Variants in CACNB2 observed in about 807,000 individuals in gnomAD.
CACNB2 encodes calcium voltage-gated channel auxiliary subunit beta 2, also known as voltage-dependent L-type calcium channel subunit beta-2.
In CACNB2, 42 loss-of-function variants were observed where a neutral mutation model predicts 73.3. That is an observed-to-expected ratio of 0.57 (90% CI 0.45 to 0.74). The LOEUF is 0.74. Ranked by LOEUF, CACNB2 falls within the 30% of genes least tolerant of loss-of-function variation. The probability of loss-of-function intolerance (pLI) is 0.00; values close to 1 mark genes in which losing one functional copy is unlikely to be tolerated. For missense variants in CACNB2, 940 were observed against 853.0 expected (o/e 1.10, Z -1.27); for synonymous variants, 348 against 310.3 (o/e 1.12, Z -1.28).
intron 3 of CACNB2, among the ~76,000 whole-genome samples, chr10:18,436,378 G>C (rs1406468925): frequency 3.3e-5 from 5 of 152,170 alleles, no homozygotes; most frequent in Non-Finnish European, 7.3e-5. Context: ...TCTGTTCATG[G>C]AGAACAAAGC....
rs960506847 is a variant in CACNB2, at chr10:18,541,235, C to T, written c.*1511C>T. ...CAGAACCCAGAAGTGCTTCTTATAA[C>T]CAAAGTTTCTGTTCTTCAGAAGAAA... On this transcript the variant is annotated 3_prime_UTR_variant, in exon 14 of 14. Transcript: ENST00000324631. 1 of 152,600 alleles carries T rather than the reference C, an allele frequency of 6.6e-6. No individual in the cohort carries two copies. 9.5% of individuals were successfully genotyped at this position (152,600 alleles called of 1,614,324 possible). A position where few individuals can be genotyped will look rare whatever the true frequency, so the allele number is the denominator to read the frequency against.
intron 2 of CACNB2, among the ~76,000 whole-genome samples, chr10:18,381,931 G>A (rs2043036720): frequency 6.6e-6 from 1 of 151,850 alleles, no homozygotes; most frequent in African/African-American, 2.4e-5. Flanking sequence ...GCATCGCCTG[G>A]GACATCATAT....
At chr10:18,452,866 A>C (rs1564566246) in intron 3 of CACNB2, among the ~76,000 whole-genome samples, 1 of 152,196 alleles carries the variant, frequency 6.6e-6, no homozygotes, top group East Asian at 1.9e-4. Flanking sequence ...ACTGGACTAT[A>C]CCTTAGTGCA....
At chr10:18,520,588 CTTT>C (rs2051766963) in intron 9 of CACNB2, among the ~76,000 whole-genome samples, 1 of 152,162 alleles carries the variant, frequency 6.6e-6, no homozygotes, top group South Asian at 2.1e-4. Context: ...CCAGTGACTT[CTTT>C]TTTTCCTCTG....
intron 3 of CACNB2, 24 bp from the exon 4 acceptor site, chr10:18,498,331 T>C (rs536721522): frequency 1.2e-6 from 2 of 1,613,954 alleles, no homozygotes; most frequent in African/African-American, 2.7e-5. Context: ...CTTATTTTTT[T>C]CCCTCTTCCT....
intron 2 of CACNB2, among the ~76,000 whole-genome samples, chr10:18,348,055 T>G (rs561263932): frequency 1.4e-4 from 21 of 152,324 alleles, no homozygotes; most frequent in African/African-American, 5.0e-4. Flanking sequence ...AAGAGCCTCA[T>G]GATATTGCCC....
At chr10:18,498,624 A>T in intron 4 of CACNB2, 147 bp downstream of exon 4, 3 of 798,358 alleles carry the variant, frequency 3.8e-6, no homozygotes, top group Non-Finnish European at 6.3e-6. Context: ...ATGGCTCTCA[A>T]CCTCTGCTAA....
intron 3 of CACNB2, among the ~76,000 whole-genome samples, chr10:18,463,902 C>A (rs978957533): frequency 1.3e-5 from 2 of 152,108 alleles, no homozygotes; most frequent in African/African-American, 4.8e-5. Flanking sequence ...CCCAGCCAGG[C>A]CTTTGACAAA....
intron 2 of CACNB2, among the ~76,000 whole-genome samples, chr10:18,398,435 C>G (rs955250091): frequency 2.0e-5 from 3 of 152,032 alleles, no homozygotes; most frequent in Non-Finnish European, 2.9e-5. Context: ...GAGGCTGAGG[C>G]AGGAGGATTG....
At chr10:18,297,276 G>A (rs1387011634) in intron 2 of CACNB2, among the ~76,000 whole-genome samples, 1 of 152,210 alleles carries the variant, frequency 6.6e-6, no homozygotes, top group Admixed American at 6.5e-5. Flanking sequence ...CAGGCACAAT[G>A]GCAGATTTCT....
At chr10:18,274,828 G>A (rs111429060) in intron 2 of CACNB2, among the ~76,000 whole-genome samples, 3,500 of 152,064 alleles carry the variant, frequency 0.023, 129 homozygotes, top group African/African-American at 0.074. Flanking sequence ...ATGAATCCCC[G>A]CTTCAAAGGG....
chr10:18,328,708 G>A (rs1228062336), intron 2 of CACNB2, among the ~76,000 whole-genome samples: 3 of 152,122 alleles, frequency 2.0e-5, no homozygotes, highest in East Asian at 3.9e-4. Context: ...CATTGAAGTC[G>A]ATGTAGATTT....
chr10:18,176,522 G>A (rs981947700), intron 2 of CACNB2, among the ~76,000 whole-genome samples: 1 of 152,038 alleles, frequency 6.6e-6, no homozygotes, highest in Non-Finnish European at 1.5e-5. Context: ...TGTTCTAGGA[G>A]TGGAGACCAG....
At chr10:18,493,852 C>G (rs1168322054) in intron 3 of CACNB2, among the ~76,000 whole-genome samples, 1 of 152,188 alleles carries the variant, frequency 6.6e-6, no homozygotes, top group Non-Finnish European at 1.5e-5. Flanking sequence ...TCACTGGCCT[C>G]TTTGGTTTAG....
intron 2 of CACNB2, among the ~76,000 whole-genome samples, chr10:18,378,073 T>A (rs1289705069): frequency 6.6e-6 from 1 of 152,110 alleles, no homozygotes; most frequent in Non-Finnish European, 1.5e-5. Context: ...AGGGAAATGA[T>A]CTAATCAAGA....
At chr10:18,222,275 C>G (rs1307422009) in intron 2 of CACNB2, among the ~76,000 whole-genome samples, 1 of 152,066 alleles carries the variant, frequency 6.6e-6, no homozygotes, top group Non-Finnish European at 1.5e-5. Context: ...TTTTATGACC[C>G]CATTGCTAAG....
intron 2 of CACNB2, among the ~76,000 whole-genome samples, chr10:18,279,004 G>T (rs1378288929): frequency 6.6e-6 from 1 of 152,116 alleles, no homozygotes; most frequent in Non-Finnish European, 1.5e-5. Context: ...ACAACAGAGA[G>T]AGATCCTGTC....
intron 3 of CACNB2, among the ~76,000 whole-genome samples, chr10:18,420,872 A>AT (rs1564529113): frequency 1.3e-5 from 2 of 152,200 alleles, no homozygotes; most frequent in African/African-American, 4.8e-5. Context: ...ACTGAAAATA[A>AT]TTTTTTAAAA....
chr10:18,145,238 G>A (rs2030844513), intron 1 of CACNB2, among the ~76,000 whole-genome samples: 1 of 152,226 alleles, frequency 6.6e-6, no homozygotes, highest in African/African-American at 2.4e-5. Flanking sequence ...AAAAAGAGTA[G>A]CAGCTGTTTT....
Sources: gnomAD v4.1 joint callset for allele counts (sites outside exome capture counted in the v4.1 genomes callset) on GRCh38, gnomAD v4.1.1 for gene constraint, MANE v1.5 for transcripts, NCBI Gene and HGNC (gene_info 2026-07-23, HGNC 2026-07-21) for gene names.